The following PSME4 variants were observed in gnomAD, a reference collection of about 807,000 sequenced individuals.
PSME4 encodes the protein proteasome activator complex subunit 4.
A neutral mutation model predicts 253.9 loss-of-function variants in PSME4; 89 were observed. The ratio of observed to expected loss-of-function variants is 0.35; its 90% CI spans 0.30 to 0.42. The LOEUF (loss-of-function observed/expected upper bound fraction) is 0.42, where lower values mean the gene tolerates loss of function less well. Ranked by LOEUF, PSME4 falls within the 10% of genes least tolerant of loss-of-function variation. PSME4 has a pLI of 1.00. For synonymous variants in PSME4, 851 were observed against 759.2 expected (o/e 1.12, Z -1.99); for missense variants, 2,014 against 2,195.2 (o/e 0.92, Z 1.65).
At chr2:53,902,928 C>A (rs190522089) in intron 27 of PSME4, among the ~76,000 whole-genome samples, 38 of 152,266 alleles carry the variant, frequency 2.5e-4, no homozygotes, top group Admixed American at 1.2e-3. Flanking sequence ...GTTTAGGGCT[C>A]GTCTTCATTA....
At chr2:53,876,843 G>A (rs1451971154) in intron 41 of PSME4, among the ~76,000 whole-genome samples, 1 of 149,768 alleles carries the variant, frequency 6.7e-6, no homozygotes, top group South Asian at 2.1e-4. Flanking sequence ...TCAGCCTTCT[G>A]AGTAGCTGGG....
intron 41 of PSME4, among the ~76,000 whole-genome samples, chr2:53,882,804 A>G (rs745635165): frequency 2.0e-5 from 3 of 152,184 alleles, no homozygotes; most frequent in Non-Finnish European, 2.9e-5. Context: ...ACGTACATAC[A>G]ATATATTGAT....
intron 36 of PSME4, among the ~76,000 whole-genome samples, chr2:53,892,326 CTA>C (rs1047084063): frequency 6.6e-6 from 1 of 152,060 alleles, no homozygotes; most frequent in African/African-American, 2.4e-5. Context: ...TGTGTGAAAA[CTA>C]TATCTTACAA....
rs539247465 is a variant in PSME4 at position 53,870,982 on chromosome 2, G to T, written c.5101-1444C>A. On this transcript the variant is annotated intron_variant, in intron 43 of 46. Transcript: ENST00000404125. ...AGATTACAAAAATTGGGATTAGTAA[G>T]TTTAAAGATATAAACAATTTTACAG... 7.9e-5 allele frequency: 12 copies of T among 152,118 alleles called. No homozygotes were observed. The East Asian group carries it at 2.3e-3, about 29-fold the overall frequency. The allele number at this position is 152,118 out of a possible 1,614,324, so 9.4% of individuals were successfully genotyped here.
intron 3 of PSME4, among the ~76,000 whole-genome samples, chr2:53,948,120 T>C (rs1328931603): frequency 6.6e-6 from 1 of 152,030 alleles, no homozygotes; most frequent in African/African-American, 2.4e-5. Flanking sequence ...GAAATCACTA[T>C]TAACCAAAAA....
In PSME4 at chr2:53,893,022, T is replaced by C. The variant is rs1030795504; in HGVS notation, c.4039-62A>G. 4 of 1,462,432 alleles carry C rather than the reference T, an allele frequency of 2.7e-6. No individual in the cohort carries two copies. In the African/African-American group the frequency reaches 4.2e-5, roughly 15 times the overall value. The allele number at this position is 1,462,432 out of a possible 1,614,324, so 90.6% of individuals were successfully genotyped here. ...ACTATCATCTCGATTATAATTATGC[T>C]TGTAATTATTCTGTACATTACTAAC... On this transcript the variant is annotated intron_variant, in intron 35 of 46. Transcript: ENST00000404125.
Position 53,897,944 on chromosome 2 carries a change from C to T in PSME4, c.3532G>A (p.Asp1178Asn). ...IGLLSLLLRD[D>N]RVLPLRAIRF... The stretch of plus-strand genomic sequence containing the variant: ...ATGGCACGAAGAGGCAACACTCGGT[C>T]ATCTCTCAGCAGTAGAGACAGAAGC... The change falls in exon 31 of 47, where the codon GAC (aspartate) becomes AAC (asparagine). Residue 1178 changes from aspartate to asparagine, a missense_variant. Coordinates refer to ENST00000404125, the MANE Select transcript of PSME4 (RefSeq NM_014614.3). The T allele has an allele frequency of 6.2e-7, 1 of 1,613,122 alleles. No individual in the cohort carries two copies. The highest frequency in any genetic ancestry group is 8.5e-7 in the Non-Finnish European group (1 of 1,179,114).
At chr2:53,968,041 G>A (rs1670828579) in intron 1 of PSME4, among the ~76,000 whole-genome samples, 1 of 152,116 alleles carries the variant, frequency 6.6e-6, no homozygotes, top group African/African-American at 2.4e-5. Context: ...GGGAGGCCGA[G>A]GTGGGCAGAT....
chr2:53,910,030 A>C, intron 21 of PSME4, 45 bp downstream of exon 21: 1 of 1,465,524 alleles, frequency 6.8e-7, no homozygotes, highest in East Asian at 2.3e-5. Context: ...GGAGTTACTG[A>C]CAAAAATAAT....
At chr2:53,886,214 T>C (rs962465054) in intron 40 of PSME4, among the ~76,000 whole-genome samples, 3 of 152,156 alleles carry the variant, frequency 2.0e-5, no homozygotes, top group East Asian at 1.9e-4. Context: ...TCAAGACCAG[T>C]CTGGGCAACA....
At chr2:53,871,086 C>T (rs1573185583) in intron 43 of PSME4, 1 of 152,132 alleles carries the variant, frequency 6.6e-6, no homozygotes, top group African/African-American at 2.4e-5. Context: ...TGTGAACTAC[C>T]AGTTATACCT....
intron 20 of PSME4, among the ~76,000 whole-genome samples, chr2:53,918,565 T>C (rs914741110): frequency 6.6e-6 from 1 of 152,092 alleles, no homozygotes; most frequent in Non-Finnish European, 1.5e-5. Context: ...GATCTCAAAC[T>C]CCTGCACTCA....
chr2:53,958,607 T>C (rs78416056), intron 1 of PSME4, among the ~76,000 whole-genome samples: 1,792 of 152,248 alleles, frequency 0.012, 34 homozygotes, highest in African/African-American at 0.041. Context: ...TAAAGTCAGA[T>C]TCAGGACAAT....
At chr2:53,878,156 G>GA (rs1679220852) in intron 41 of PSME4, among the ~76,000 whole-genome samples, 1 of 152,194 alleles carries the variant, frequency 6.6e-6, no homozygotes, top group African/African-American at 2.4e-5. Flanking sequence ...CATAAATTGT[G>GA]AAGATTTCAT....
intron 1 of PSME4, among the ~76,000 whole-genome samples, chr2:53,951,885 C>G (rs1670014085): frequency 6.6e-6 from 1 of 152,042 alleles, no homozygotes; most frequent in South Asian, 2.1e-4. Flanking sequence ...TGGTAACGCA[C>G]GTAGATTAGT....
Position 53,864,881 on chromosome 2 carries a change from T to C in PSME4, c.*697A>G, listed in dbSNP as rs1291608012. On this transcript the variant is annotated 3_prime_UTR_variant, in exon 47 of 47. Transcript: ENST00000404125. Reference sequence around the variant, plus strand: ...CAGTCAGGGTTTTTATTGTTGTTGCTGTTTATTTTTAAAATCACACATTGA... The same window carrying C: ...CAGTCAGGGTTTTTATTGTTGTTGCCGTTTATTTTTAAAATCACACATTGA... The C allele has an allele frequency of 3.3e-5, 5 of 152,674 alleles. No individual in the cohort carries two copies. In the South Asian group the frequency reaches 1.0e-3, roughly 32 times the overall value. 9.5% of individuals were successfully genotyped at this position (152,674 alleles called of 1,614,324 possible).
intron 17 of PSME4, among the ~76,000 whole-genome samples, chr2:53,921,956 A>G (rs1404282780): frequency 1.3e-5 from 2 of 151,214 alleles, no homozygotes; most frequent in Non-Finnish European, 2.9e-5. Flanking sequence ...GCGGATCACG[A>G]GGTCAGGACA....
intron 3 of PSME4, 123 bp from the exon 4 acceptor site, chr2:53,940,123 T>C: frequency 1.4e-6 from 1 of 713,848 alleles, no homozygotes; most frequent in Non-Finnish European, 2.2e-6. Context: ...ATGTAATAAT[T>C]GAGCCTTCCC....
intron 3 of PSME4, among the ~76,000 whole-genome samples, chr2:53,940,968 T>TATATACATATTTAA (rs1558413955): frequency 1.3e-4 from 9 of 70,544 alleles, no homozygotes; most frequent in East Asian, 3.4e-4. Flanking sequence ...TATATATATA[T>TATATACATATTTAA]ATATATATAT....
Sources: gnomAD v4.1 joint callset for allele counts (sites outside exome capture counted in the v4.1 genomes callset) on GRCh38, gnomAD v4.1.1 for gene constraint, MANE v1.5 for transcripts, NCBI Gene and HGNC (gene_info 2026-07-23, HGNC 2026-07-21) for gene names.